RSBN1L: variants seen among roughly 807,000 people sequenced by gnomAD.
RSBN1L encodes the protein round spermatid basic protein 1 like.
In RSBN1L, 30 loss-of-function variants were observed where a neutral mutation model predicts 67.7. That is an observed-to-expected ratio of 0.44 (90% CI 0.33 to 0.60). The LOEUF (loss-of-function observed/expected upper bound fraction) is 0.60. RSBN1L is among the 20% of genes least tolerant of loss of function. The pLI is 0.02. For missense variants in RSBN1L, 992 were observed against 1,031.7 expected, an observed-to-expected ratio of 0.96 and a Z score of 0.53; for synonymous variants, 433 against 387.0, an observed-to-expected ratio of 1.12 and a Z score of -1.39.
Position 77,726,632 on chromosome 7 carries a change from C to T in RSBN1L, c.587-9778C>T, listed in dbSNP as rs192531584. Among the ~76,000 whole-genome samples the T allele has an allele frequency of 1.2e-3, 184 of 152,150 alleles. 1 individual carries two copies. Among genetic ancestry groups the T allele is most frequent in the Non-Finnish European group, 2.0e-3 (137 of 68,012 alleles). ...CATCTACTTTTTTTTGTTTTTGAGACGGAACGTTGCTGTGTCACCCAGGCT... is the reference window on the plus strand; with the variant it reads ...CATCTACTTTTTTTTGTTTTTGAGATGGAACGTTGCTGTGTCACCCAGGCT... On this transcript the variant is annotated intron_variant, in intron 1 of 7. Coordinates refer to ENST00000334955, the MANE Select transcript of RSBN1L (RefSeq NM_198467.3).
In RSBN1L at chr7:77,782,370, T is replaced by G. The variant is rs1434290164; in HGVS notation, c.*3202T>G. On this transcript the variant is annotated 3_prime_UTR_variant, in exon 8 of 8. Coordinates refer to ENST00000334955, the MANE Select transcript of RSBN1L (RefSeq NM_198467.3). ...AGTATACAGACCTTTACATAAAAAC[T>G]AAGGTACCTCAGTGGAATCTGCTAC... 1 of 151,996 alleles carries G rather than the reference T, an allele frequency of 6.6e-6. No homozygotes were observed. Among genetic ancestry groups the G allele is most frequent in the Non-Finnish European group, 1.5e-5 (1 of 68,040 alleles). 9.4% of individuals were successfully genotyped at this position (151,996 alleles called of 1,614,324 possible). A position where few individuals can be genotyped will look rare whatever the true frequency, so the allele number is the denominator to read the frequency against.
chr7:77,771,757 G>C (rs1408418014), intron 5 of RSBN1L, among the ~76,000 whole-genome samples: 1 of 151,904 alleles, frequency 6.6e-6, no homozygotes, highest in African/African-American at 2.4e-5. Flanking sequence ...TGATCCACCT[G>C]CCTTGGCCTC....
intron 3 of RSBN1L, among the ~76,000 whole-genome samples, chr7:77,752,126 G>GT (rs1791563707): frequency 6.6e-6 from 1 of 152,228 alleles, no homozygotes; most frequent in Non-Finnish European, 1.5e-5. Context: ...AATCATGGCA[G>GT]TGTGTGCCTG....
In RSBN1L at chr7:77,778,510, C is replaced by A; in HGVS notation, c.1903-20C>A. On this transcript the variant is annotated intron_variant, in intron 7 of 7. Coordinates refer to ENST00000334955, the MANE Select transcript of RSBN1L (RefSeq NM_198467.3). Reference sequence around the variant, plus strand: ...ATTATGAAGAGAGTTATTTGTATTTCTTGTTTTATTATTTTTTAGTGTGTC... The same window carrying A: ...ATTATGAAGAGAGTTATTTGTATTTATTGTTTTATTATTTTTTAGTGTGTC... 6 of 1,596,818 alleles carry A rather than the reference C, an allele frequency of 3.8e-6. No individual in the cohort carries two copies. The highest frequency in any genetic ancestry group is 5.1e-6 in the Non-Finnish European group (6 of 1,171,140).
rs190903948 is a variant in RSBN1L, at chr7:77,749,918, G to C, written c.1198G>C (p.Val400Leu). 1.9e-6 allele frequency: 3 copies of C among 1,614,104 alleles called. No individual in the cohort carries two copies. The highest frequency in any genetic ancestry group is 3.3e-5 in the Admixed American group (2 of 60,012). Residue 400 changes from valine to leucine, a missense_variant, in exon 3 of 8, where the codon GTG becomes CTG. Val to Leu is a conservative substitution (Grantham distance 32). This residue lies in a region of RSBN1L where 63 missense variants were observed against 84.8 expected (regional missense o/e 0.74). Transcript: ENST00000334955. ...SENENSAAFYVMGIVHGAATY... is the reference protein window; with the variant it reads ...SENENSAAFYLMGIVHGAATY... ...AAATGAAAACTCTGCAGCTTTCTAC[G>C]TGATGGGTATTGTTCATGGGGCAGC...
intron 1 of RSBN1L, among the ~76,000 whole-genome samples, chr7:77,732,372 G>GC (rs1032771821): frequency 3.3e-5 from 5 of 151,948 alleles, no homozygotes; most frequent in African/African-American, 1.2e-4. Context: ...TCACTCTGTT[G>GC]CCCAGGCTGG....
chr7:77,709,017 G>A (rs1790931820), intron 1 of RSBN1L, among the ~76,000 whole-genome samples: 1 of 152,158 alleles, frequency 6.6e-6, no homozygotes, highest in Non-Finnish European at 1.5e-5. Context: ...AGAATTGAGA[G>A]TTGGCCCACA....
chr7:77,741,567 C>T (rs1325429916), intron 2 of RSBN1L, among the ~76,000 whole-genome samples: 2 of 151,556 alleles, frequency 1.3e-5, no homozygotes, highest in African/African-American at 2.4e-5. Flanking sequence ...TGGCAGGCAC[C>T]TGTAGTCCCA....
chr7:77,748,171 T>C (rs1291183389), intron 2 of RSBN1L, among the ~76,000 whole-genome samples: 1 of 152,122 alleles, frequency 6.6e-6, no homozygotes, highest in Non-Finnish European at 1.5e-5. Context: ...GGAATGAATA[T>C]GATCAAAAGA....
chr7:77,754,833 C>T (rs570144661), intron 3 of RSBN1L, among the ~76,000 whole-genome samples: 19 of 152,258 alleles, frequency 1.2e-4, no homozygotes, highest in African/African-American at 4.3e-4. Flanking sequence ...CACAGCACTG[C>T]ACTCCAGCCT....
intron 1 of RSBN1L, 105 bp downstream of exon 1, chr7:77,697,160 G>T: frequency 8.1e-7 from 1 of 1,231,868 alleles, no homozygotes; most frequent in Non-Finnish European, 1.0e-6. Flanking sequence ...GCGTGCGCCG[G>T]CCTGGAGGGG....
chr7:77,714,684 C>G (rs544089679), intron 1 of RSBN1L, among the ~76,000 whole-genome samples: 1 of 151,944 alleles, frequency 6.6e-6, no homozygotes, highest in South Asian at 2.1e-4. Context: ...AGTGGGTGGC[C>G]GGGCACGGTG....
At chr7:77,766,719 A>C (rs916717531) in intron 4 of RSBN1L, among the ~76,000 whole-genome samples, 1 of 152,146 alleles carries the variant, frequency 6.6e-6, no homozygotes, top group Non-Finnish European at 1.5e-5. Flanking sequence ...GATTTCTGAT[A>C]CCACATAATC....
intron 2 of RSBN1L, among the ~76,000 whole-genome samples, chr7:77,740,805 C>T (rs943083377): frequency 6.6e-6 from 1 of 151,948 alleles, no homozygotes; most frequent in South Asian, 2.1e-4. Context: ...GAGTGTCTCT[C>T]TCTGGCTCTA....
chr7:77,750,073 T>C lies in RSBN1L; in HGVS notation c.1344+9T>C. 1 of 1,489,884 alleles carries C rather than the reference T, an allele frequency of 6.7e-7. No homozygotes were observed. Among genetic ancestry groups the C allele is most frequent in the Admixed American group, 2.4e-5 (1 of 41,218 alleles). The allele number at this position is 1,489,884 out of a possible 1,614,324, so 92.3% of individuals were successfully genotyped here. A position where few individuals can be genotyped will look rare whatever the true frequency, so the allele number is the denominator to read the frequency against. ...CCAATTTTCATGCTCAGGTAAGAGG[T>C]TTTTAGTTTTATAAAATAACTTTTA... On this transcript the variant is annotated intron_variant, in intron 3 of 7. Coordinates refer to ENST00000334955, the MANE Select transcript of RSBN1L (RefSeq NM_198467.3).
At chr7:77,713,567 A>G (rs1250061013) in intron 1 of RSBN1L, among the ~76,000 whole-genome samples, 1 of 151,264 alleles carries the variant, frequency 6.6e-6, no homozygotes. Context: ...CATGTTAGCC[A>G]GGATGGTCTC....
chr7:77,764,518 A>T (rs1791737237), intron 3 of RSBN1L, among the ~76,000 whole-genome samples: 1 of 152,216 alleles, frequency 6.6e-6, no homozygotes, highest in South Asian at 2.1e-4. Flanking sequence ...AAAACATTCC[A>T]GTTAAGGAAA....
At chr7:77,762,406 T>C (rs1454296228) in intron 3 of RSBN1L, among the ~76,000 whole-genome samples, 2 of 152,186 alleles carry the variant, frequency 1.3e-5, no homozygotes, top group Non-Finnish European at 2.9e-5. Flanking sequence ...CAGTCTATTA[T>C]GTTAAACATT....
At chr7:77,707,847 CAATAAT>C (rs1168019053) in intron 1 of RSBN1L, among the ~76,000 whole-genome samples, 3 of 151,994 alleles carry the variant, frequency 2.0e-5, no homozygotes, top group Non-Finnish European at 4.4e-5. Context: ...AGGACAGAAA[CAATAAT>C]AATAATAGCT....
Sources: gnomAD v4.1 joint callset for allele counts (sites outside exome capture counted in the v4.1 genomes callset) on GRCh38, gnomAD v4.1.1 for gene constraint, gnomAD v4.1.1 regional missense constraint, MANE v1.5 for transcripts, NCBI Gene and HGNC (gene_info 2026-07-23, HGNC 2026-07-21) for gene names.